Variants in PNRC1 observed in about 807,000 individuals in gnomAD.
PNRC1 encodes proline-rich nuclear receptor coactivator 1.
PNRC1 carries 6 observed loss-of-function variants against 20.2 expected under a neutral mutation model. The ratio of observed to expected loss-of-function variants is 0.30; its 90% CI spans 0.16 to 0.59. The LOEUF (loss-of-function observed/expected upper bound fraction) is 0.59. PNRC1 is among the 20% of genes least tolerant of loss of function. PNRC1 has a pLI of 0.89. For missense variants in PNRC1, 488 were observed against 430.2 expected (o/e 1.13, Z -1.19); for synonymous variants, 202 against 186.9 (o/e 1.08, Z -0.66).
chr6:89,081,588 C>T (rs1249350295), intron 1 of PNRC1, among the ~76,000 whole-genome samples, 154 bp downstream of exon 1: 1 of 151,804 alleles, frequency 6.6e-6, no homozygotes, highest in African/African-American at 2.4e-5. Context: ...GTGACGCCCG[C>T]TCCATTCTTG....
chr6:89,084,058 A>G lies in PNRC1; in HGVS notation c.846A>G (p.Ala282=). ...GCCAAAAGGAAAATTATGCTGGGGC[A>G]AAGTTTAGTGATCCACCTTCTCCTA... The part of the protein sequence containing the change: ...EVSQKENYAG[A]KFSDPPSPSV... Residue 282 remains alanine (A), a synonymous_variant, in exon 2 of 2, where the codon GCA becomes GCG. Coordinates refer to ENST00000336032, the MANE Select transcript of PNRC1 (RefSeq NM_006813.3). 6.2e-7 allele frequency: 1 copy of G among 1,614,174 alleles called. No individual in the cohort carries two copies. Among genetic ancestry groups the G allele is most frequent in the Non-Finnish European group, 8.5e-7 (1 of 1,180,016 alleles).
rs1382466473 is a variant in PNRC1, at chr6:89,081,113, C to T, written c.219C>T (p.Arg73=). The change falls in exon 1 of 2, where the codon CGC becomes CGT. Residue 73 remains arginine (R), a synonymous_variant. Transcript: ENST00000336032. ...GDGPCLTPQP[R]APAALPNRSL... ...GCCCGTGTCTGACCCCCCAGCCTCG[C>T]GCTCCAGCAGCTCTGCCCAACCGCA... The T allele has an allele frequency of 6.2e-7, 1 of 1,608,410 alleles. No individual in the cohort carries two copies. The highest frequency in any genetic ancestry group is 1.1e-5 in the South Asian group (1 of 91,036).
Position 89,084,415 on chromosome 6 carries a change from A to G in PNRC1, c.*219A>G. 2.5e-6 allele frequency: 1 copy of G among 407,168 alleles called. No individual in the cohort carries two copies. The highest frequency in any genetic ancestry group is 4.2e-5 in the Admixed American group (1 of 23,790). The allele number at this position is 407,168 out of a possible 1,614,324, so 25.2% of individuals were successfully genotyped here. On this transcript the variant is annotated 3_prime_UTR_variant, in exon 2 of 2. Coordinates refer to ENST00000336032, the MANE Select transcript of PNRC1 (RefSeq NM_006813.3). ...ATTGTTCATACTTGAGAGGTATATT[A>G]TAGTTTTGTTATGAAAGTATGTATT... is the stretch of plus-strand genomic sequence containing the variant.
chr6:89,081,237 C>G lies in PNRC1; in HGVS notation c.343C>G (p.His115Asp). ...CGCAGGGCAGCTGCCCAGCCGCTTCCACCAGTACCAGCAGCACCGGCCGAG... is the reference window on the plus strand; with the variant it reads ...CGCAGGGCAGCTGCCCAGCCGCTTCGACCAGTACCAGCAGCACCGGCCGAG... ...SPAGQLPSRFHQYQQHRPSLE... is the reference protein window; with the variant it reads ...SPAGQLPSRFDQYQQHRPSLE... Residue 115 changes from histidine to aspartate, a missense_variant, in exon 1 of 2, where the codon CAC (histidine) becomes GAC (aspartate). Coordinates refer to ENST00000336032, the MANE Select transcript of PNRC1 (RefSeq NM_006813.3). 1 of 1,553,736 alleles carries G rather than the reference C, an allele frequency of 6.4e-7. No individual in the cohort carries two copies. Among genetic ancestry groups the G allele is most frequent in the East Asian group, 2.4e-5 (1 of 41,882 alleles).
chr6:89,082,461 T>C (rs1768023702), intron 1 of PNRC1: 1 of 152,256 alleles, frequency 6.6e-6, no homozygotes, highest in Admixed American at 6.5e-5. Flanking sequence ...ATCGTCTCAA[T>C]GTCTCCCTTT....
intron 1 of PNRC1, 39 bp from the exon 2 acceptor site, chr6:89,083,714 C>T: frequency 6.9e-7 from 1 of 1,450,798 alleles, no homozygotes; most frequent in Non-Finnish European, 9.4e-7. Flanking sequence ...TGATTTTTAT[C>T]TAGAAACTAT....
intron 1 of PNRC1, among the ~76,000 whole-genome samples, chr6:89,083,455 C>T (rs562107303): frequency 2.0e-5 from 3 of 152,282 alleles, no homozygotes; most frequent in Admixed American, 6.5e-5. Context: ...TCTCAACCCC[C>T]CTTCTAGTAG....
chr6:89,081,469 C>G, intron 1 of PNRC1, 35 bp downstream of exon 1: 1 of 1,137,708 alleles, frequency 8.8e-7, no homozygotes, highest in African/African-American at 1.7e-5. Context: ...GGAGTCGGGC[C>G]CTTAGACGGT....
At position 89,084,256 on chromosome 6, in the gene PNRC1, A is replaced by AAAATTGGTACAG. The variant is rs1768066852; in HGVS notation, c.*65_*76dup. 1 of 1,209,544 alleles carries AAAATTGGTACAG rather than the reference A, an allele frequency of 8.3e-7. No individual in the cohort carries two copies. Among genetic ancestry groups the AAAATTGGTACAG allele is most frequent in the Non-Finnish European group, 1.1e-6 (1 of 869,640 alleles). The allele number at this position is 1,209,544 out of a possible 1,614,324, so 74.9% of individuals were successfully genotyped here. ...TTTCCCATATCCCTGGACTCTTGAGAAAATTGGTACAGAAATGGAAATTTG... is the reference window on the plus strand; with the variant it reads ...TTTCCCATATCCCTGGACTCTTGAGAAAATTGGTACAGAAATTGGTACAGAAATGGAAATTTG... On this transcript the variant is annotated 3_prime_UTR_variant, in exon 2 of 2. Coordinates refer to ENST00000336032, the MANE Select transcript of PNRC1 (RefSeq NM_006813.3).
At chr6:89,081,516 G>C in intron 1 of PNRC1, 82 bp downstream of exon 1, 1 of 505,450 alleles carries the variant, frequency 2.0e-6, no homozygotes, top group Admixed American at 4.6e-5. Context: ...CCTGCACCCG[G>C]GGGGTCGGGC....
Position 89,080,820 on chromosome 6 carries a change from C to T in PNRC1, c.-75C>T. ...AGGCTCTCCTAGCAGCATCCATCGC[C>T]GCCACCCTATCTTCACTGGCTTCAT... On this transcript the variant is annotated 5_prime_UTR_variant, in exon 1 of 2. Transcript: ENST00000336032. 3 of 1,447,882 alleles carry T rather than the reference C, an allele frequency of 2.1e-6. No homozygotes were observed. The highest frequency in any genetic ancestry group is 4.6e-5 in the East Asian group (2 of 43,230). The allele number at this position is 1,447,882 out of a possible 1,614,324, so 89.7% of individuals were successfully genotyped here.
At chr6:89,083,490 C>T (rs574223872) in intron 1 of PNRC1, among the ~76,000 whole-genome samples, 1 of 152,246 alleles carries the variant, frequency 6.6e-6, no homozygotes, top group South Asian at 2.1e-4. Context: ...TGTTGTTCCC[C>T]ACTATATCCA....
chr6:89,082,108 G>T (rs949056067), intron 1 of PNRC1: 1 of 152,288 alleles, frequency 6.6e-6, no homozygotes, highest in East Asian at 1.9e-4. Flanking sequence ...GGCAGGAGCC[G>T]CACAAAACTG....
rs1767980699 is a variant in PNRC1 at position 89,081,255 on chromosome 6, C to A, written c.361C>A (p.Arg121=). 2 of 1,545,318 alleles carry A rather than the reference C, an allele frequency of 1.3e-6. No homozygotes were observed. The highest frequency in any genetic ancestry group is 1.7e-6 in the Non-Finnish European group (2 of 1,153,860). ...CCGCTTCCACCAGTACCAGCAGCAC[C>A]GGCCGAGTCTGGAGGGCGGCCGGAG... is the stretch of plus-strand genomic sequence containing the variant. The part of the protein sequence containing the change: ...PSRFHQYQQH[R]PSLEGGRSPA... Residue 121 remains arginine (R), a synonymous_variant, in exon 1 of 2, where the codon CGG becomes AGG. Transcript: ENST00000336032.
intron 1 of PNRC1, among the ~76,000 whole-genome samples, chr6:89,083,019 G>C (rs1336349300): frequency 7.3e-6 from 1 of 136,976 alleles, no homozygotes; most frequent in African/African-American, 2.6e-5. Flanking sequence ...TTTTTTTCTT[G>C]AGACAGAGTC....
rs574722768 is a variant in PNRC1 at position 89,081,102 on chromosome 6, C to G, written c.208C>G (p.Pro70Ala). 5.6e-6 allele frequency: 9 copies of G among 1,609,268 alleles called. No individual in the cohort carries two copies. Among genetic ancestry groups the G allele is most frequent in the Non-Finnish European group, 7.6e-6 (9 of 1,179,816 alleles). The change falls in exon 1 of 2, where the codon CCC becomes GCC. Residue 70 changes from proline to alanine, a missense_variant. Coordinates refer to ENST00000336032, the MANE Select transcript of PNRC1 (RefSeq NM_006813.3). Reference protein sequence around the residue: ...FLGGDGPCLTPQPRAPAALPN... With the variant: ...FLGGDGPCLTAQPRAPAALPN... ...AGGGGGAGATGGCCCGTGTCTGACC[C>G]CCCAGCCTCGCGCTCCAGCAGCTCT...
At position 89,081,160 on chromosome 6, in the gene PNRC1, C is replaced by A. The variant is rs758756337; in HGVS notation, c.266C>A (p.Thr89Asn). ...PNRSLAVAGG[T>N]PRAAPKKRRK... is the part of the protein sequence containing the mutation. ...CGCAGCCTCGCCGTGGCGGGAGGCACTCCTCGGGCAGCGCCGAAGAAGCGG... is the reference window on the plus strand; with the variant it reads ...CGCAGCCTCGCCGTGGCGGGAGGCAATCCTCGGGCAGCGCCGAAGAAGCGG... Residue 89 changes from threonine (T) to asparagine (N), a missense_variant, in exon 1 of 2, where the codon ACT becomes AAT. Transcript: ENST00000336032. 6 of 1,599,278 alleles carry A rather than the reference C, an allele frequency of 3.8e-6. No individual in the cohort carries two copies. The highest frequency in any genetic ancestry group is 1.3e-5 in the African/African-American group (1 of 74,830).
chr6:89,082,433 A>C (rs1299199811), intron 1 of PNRC1: 1 of 152,178 alleles, frequency 6.6e-6, no homozygotes, highest in African/African-American at 2.4e-5. Flanking sequence ...AAATTTGCCC[A>C]CCTTGTTTCT....
chr6:89,081,441 C>T lies in PNRC1; in HGVS notation c.540+7C>T. ...AACCCCCCTCAGGAAAGAGGTGAGG[C>T]CGCCAGGGGGCCGTTGGGGAGTCGG... On this transcript the variant is annotated splice_region_variant and intron_variant, in intron 1 of 1. Coordinates refer to ENST00000336032, the MANE Select transcript of PNRC1 (RefSeq NM_006813.3). The T allele has an allele frequency of 7.7e-7, 1 of 1,305,464 alleles. No individual in the cohort carries two copies. Among genetic ancestry groups the T allele is most frequent in the Non-Finnish European group, 9.7e-7 (1 of 1,031,132 alleles). 80.9% of individuals were successfully genotyped at this position (1,305,464 alleles called of 1,614,324 possible). A position where few individuals can be genotyped will look rare whatever the true frequency, so the allele number is the denominator to read the frequency against.
Sources: allele counts gnomAD v4.1 joint callset (sites outside exome capture counted in the v4.1 genomes callset), GRCh38; gene constraint gnomAD v4.1.1; transcripts MANE v1.5; gene names NCBI Gene and HGNC (gene_info 2026-07-23, HGNC 2026-07-21).